Variants in B3GALT1 observed in about 807,000 individuals in gnomAD.
B3GALT1 encodes UDP-Gal:betaGlcNAc beta 1,3-galactosyltransferase, polypeptide 1.
Under a neutral mutation model 23.2 loss-of-function variants are expected in B3GALT1, and 10 were observed. The observed-to-expected ratio is 0.43, with a 90% CI of 0.27 to 0.73. B3GALT1 has a LOEUF of 0.73. B3GALT1 is among the 30% of genes least tolerant of loss of function. The probability of loss-of-function intolerance (pLI) is 0.21; values close to 1 mark genes in which losing one functional copy is unlikely to be tolerated. For missense variants in B3GALT1, 299 were observed against 405.4 expected, an observed-to-expected ratio of 0.74 and a Z score of 2.25; for synonymous variants, 156 against 141.5, an observed-to-expected ratio of 1.10 and a Z score of -0.73.
intron 3 of B3GALT1, among the ~76,000 whole-genome samples, chr2:167,656,371 G>C (rs873159): frequency 0.91 from 139,110 of 152,200 alleles, 64,700 homozygotes; most frequent in Non-Finnish European, 1. Flanking sequence ...GCAAAGTGAC[G>C]ACAGCAAATT....
intron 3 of B3GALT1, among the ~76,000 whole-genome samples, chr2:167,677,621 G>T (rs1686450559): frequency 6.6e-6 from 1 of 152,024 alleles, no homozygotes; most frequent in Admixed American, 6.5e-5. Flanking sequence ...ATCCCACCTT[G>T]CCCTGCTAGG....
At chr2:167,696,296 C>CAAA (rs35575073) in intron 3 of B3GALT1, among the ~76,000 whole-genome samples, 2,202 of 91,316 alleles carry the variant, frequency 0.024, 103 homozygotes, top group African/African-American at 0.077. Context: ...TGGTAAGAGG[C>CAAA]AAAAAAAAAA....
At chr2:167,406,271 A>T (rs545344018) in intron 1 of B3GALT1, among the ~76,000 whole-genome samples, 1 of 152,290 alleles carries the variant, frequency 6.6e-6, no homozygotes, top group African/African-American at 2.4e-5. Flanking sequence ...GAATATAAAA[A>T]GCACTAGACT....
Position 167,694,067 on chromosome 2 carries a change from A to G in B3GALT1, c.-352+47101A>G, listed in dbSNP as rs535097976. ...AAGCTATGGTGACTGGAGCAGGTTA[A>G]GGTTGGCTAGGTTCTTTTTGGCACC... is the stretch of plus-strand genomic sequence containing the variant. On this transcript the variant is annotated intron_variant, in intron 3 of 4. Coordinates refer to ENST00000392690, the MANE Select transcript of B3GALT1 (RefSeq NM_020981.4). Among the ~76,000 whole-genome samples the G allele has an allele frequency of 5.3e-5, 8 of 152,196 alleles. No homozygotes were observed. In the East Asian group the frequency reaches 1.5e-3, roughly 29 times the overall value.
At chr2:167,393,463 C>T (rs1352496060) in intron 1 of B3GALT1, among the ~76,000 whole-genome samples, 1 of 151,500 alleles carries the variant, frequency 6.6e-6, no homozygotes, top group Non-Finnish European at 1.5e-5. Context: ...TTTTGTTTCT[C>T]CCCTAACAGG....
intron 2 of B3GALT1, among the ~76,000 whole-genome samples, chr2:167,491,426 G>C (rs1429475466): frequency 6.7e-6 from 1 of 149,936 alleles, no homozygotes; most frequent in Non-Finnish European, 1.5e-5. Context: ...CAGAATTGTA[G>C]TCTTTGTTTG....
intron 1 of B3GALT1, among the ~76,000 whole-genome samples, chr2:167,403,983 G>A (rs751800361): frequency 6.6e-6 from 1 of 152,096 alleles, no homozygotes; most frequent in Non-Finnish European, 1.5e-5. Flanking sequence ...TGTTTGTGTT[G>A]CTGTAAAGGA....
At chr2:167,678,278 G>A (rs1266091203) in intron 3 of B3GALT1, among the ~76,000 whole-genome samples, 2 of 152,190 alleles carry the variant, frequency 1.3e-5, no homozygotes, top group East Asian at 3.9e-4. Context: ...GGGGCTGTTC[G>A]ATCCACTTTC....
At chr2:167,563,476 T>C (rs13029895) in intron 2 of B3GALT1, among the ~76,000 whole-genome samples, 150 of 67,430 alleles carry the variant, frequency 2.2e-3, no homozygotes, top group South Asian at 7.9e-3. Context: ...CACTTCCCAG[T>C]AGGGGCGGCC....
intron 1 of B3GALT1, among the ~76,000 whole-genome samples, chr2:167,488,228 C>G (rs1328556708): frequency 6.6e-6 from 1 of 152,146 alleles, no homozygotes; most frequent in East Asian, 1.9e-4. Flanking sequence ...CACACATTGG[C>G]TTAGGGTTTA....
At chr2:167,379,875 C>T (rs1052237809) in intron 1 of B3GALT1, among the ~76,000 whole-genome samples, 2 of 152,222 alleles carry the variant, frequency 1.3e-5, no homozygotes, top group Admixed American at 1.3e-4. Context: ...GTGGCCTAAA[C>T]TTCTAACACA....
intron 2 of B3GALT1, among the ~76,000 whole-genome samples, chr2:167,536,033 C>T (rs767669012): frequency 6.6e-6 from 1 of 152,062 alleles, no homozygotes; most frequent in Non-Finnish European, 1.5e-5. Flanking sequence ...AAGCAATTCT[C>T]GTGCCTCAGC....
chr2:167,611,206 T>G, intron 2 of B3GALT1, among the ~76,000 whole-genome samples: 1 of 152,028 alleles, frequency 6.6e-6, no homozygotes, highest in East Asian at 1.9e-4. Flanking sequence ...TCTATTAATT[T>G]TTAATTTTTT....
chr2:167,366,266 C>T (rs1196020832), intron 1 of B3GALT1, among the ~76,000 whole-genome samples: 2 of 152,006 alleles, frequency 1.3e-5, no homozygotes, highest in African/African-American at 4.8e-5. Context: ...ATTAAGTTAC[C>T]TGTTTGGCTC....
chr2:167,444,812 A>G (rs569984298), intron 1 of B3GALT1, among the ~76,000 whole-genome samples: 55 of 151,924 alleles, frequency 3.6e-4, no homozygotes, highest in African/African-American at 1.3e-3. Context: ...TTTTGAAAAA[A>G]CCAGCTCCTG....
At chr2:167,322,539 T>G (rs1696829876) in intron 1 of B3GALT1, among the ~76,000 whole-genome samples, 1 of 151,968 alleles carries the variant, frequency 6.6e-6, no homozygotes, top group Non-Finnish European at 1.5e-5. Flanking sequence ...ACTAAATAAT[T>G]GCACAGTTTA....
At chr2:167,832,623 A>G (rs796496704) in intron 4 of B3GALT1, among the ~76,000 whole-genome samples, 62 of 152,362 alleles carry the variant, frequency 4.1e-4, no homozygotes, top group African/African-American at 1.4e-3. Context: ...CTATGCAAAC[A>G]TATGTCCAGT....
intron 3 of B3GALT1, chr2:167,715,416 G>A: frequency 6.2e-7 from 1 of 1,611,296 alleles, no homozygotes; most frequent in Non-Finnish European, 8.5e-7. Flanking sequence ...TCCTGAAGTT[G>A]AGAATTTTCA....
At chr2:167,319,097 T>C (rs1270749685) in intron 1 of B3GALT1, among the ~76,000 whole-genome samples, 1 of 152,138 alleles carries the variant, frequency 6.6e-6, no homozygotes, top group Non-Finnish European at 1.5e-5. Context: ...TGCTCTGAGA[T>C]GGTTTTTAGG....
Sources: gnomAD v4.1 joint callset for allele counts (sites outside exome capture counted in the v4.1 genomes callset) on GRCh38, gnomAD v4.1.1 for gene constraint, MANE v1.5 for transcripts, NCBI Gene and HGNC (gene_info 2026-07-23, HGNC 2026-07-21) for gene names.